EMP2: variants seen among roughly 807,000 people sequenced by gnomAD.
EMP2 encodes epithelial membrane protein 2.
EMP2 carries 19 observed loss-of-function variants against 13.7 expected under a neutral mutation model. That is an observed-to-expected ratio of 1.38 (90% confidence interval 0.97 to 2.03). EMP2 has a LOEUF of 2.03. Among genes scored for constraint, EMP2 ranks in the 30% most tolerant of loss-of-function variants. The pLI is 0.00. For synonymous variants in EMP2, 97 were observed against 84.7 expected, an observed-to-expected ratio of 1.15 and a Z score of -0.80; for missense variants, 253 against 220.7, an observed-to-expected ratio of 1.15 and a Z score of -0.93.
chr16:10,532,948 A>G lies in EMP2; in HGVS notation c.461T>C (p.Phe154Ser). The G allele has an allele frequency of 1.2e-6, 2 of 1,604,040 alleles. No individual in the cohort carries two copies. The highest frequency in any genetic ancestry group is 2.2e-5 in the South Asian group (2 of 89,168). Residue 154 changes from phenylalanine to serine, a missense_variant, in exon 5 of 5, where the codon TTC (phenylalanine) becomes TCC (serine). Coordinates refer to ENST00000359543, the MANE Select transcript of EMP2 (RefSeq NM_001424.6). ...TATCAGGTACATCATGCCGCTGATG[A>G]AGGTGCAGGCGAAGGCCACCCACGC... ...ILAWVAFACT[F>S]ISGMMYLILR...
chr16:10,563,137 G>A (rs1276289360), intron 1 of EMP2, among the ~76,000 whole-genome samples: 2 of 152,134 alleles, frequency 1.3e-5, no homozygotes, highest in Non-Finnish European at 2.9e-5. Context: ...TGACTTTCAA[G>A]TAATCCCCAG....
In EMP2 at chr16:10,529,233, C is replaced by G. The variant is rs371670132; in HGVS notation, c.*3672G>C. On this transcript the variant is annotated 3_prime_UTR_variant, in exon 5 of 5. Coordinates refer to ENST00000359543, the MANE Select transcript of EMP2 (RefSeq NM_001424.6). ...AAATACAGTTGATGCTATCTTTGGT[C>G]CTAATATGTGCTTCTTGGATGTCTA... is the stretch of plus-strand genomic sequence containing the variant. 6 of 152,264 alleles carry G rather than the reference C, an allele frequency of 3.9e-5. No individual in the cohort carries two copies. The East Asian group carries it at 1.2e-3, about 29-fold the overall frequency. The allele number at this position is 152,264 out of a possible 1,614,324, so 9.4% of individuals were successfully genotyped here. A position where few individuals can be genotyped will look rare whatever the true frequency, so the allele number is the denominator to read the frequency against.
At chr16:10,535,718 C>G (rs1343118334) in intron 4 of EMP2, among the ~76,000 whole-genome samples, 2 of 152,168 alleles carry the variant, frequency 1.3e-5, no homozygotes, top group Non-Finnish European at 2.9e-5. Context: ...TCCCCCCACC[C>G]CAAGTTAAAT....
At chr16:10,542,533 C>G (rs1401675144) in intron 3 of EMP2, among the ~76,000 whole-genome samples, 1 of 150,740 alleles carries the variant, frequency 6.6e-6, no homozygotes, top group Non-Finnish European at 1.5e-5. Flanking sequence ...AAAAACAGTA[C>G]TTATTGTTTA....
intron 1 of EMP2, among the ~76,000 whole-genome samples, chr16:10,575,382 T>C (rs1206641956): frequency 6.6e-6 from 1 of 150,376 alleles, no homozygotes; most frequent in East Asian, 2.0e-4. Flanking sequence ...GCCTCCCAAG[T>C]AGCTGGGACT....
intron 1 of EMP2, among the ~76,000 whole-genome samples, chr16:10,550,491 G>A (rs1273595521): frequency 1.3e-5 from 2 of 152,054 alleles, no homozygotes; most frequent in East Asian, 1.9e-4. Flanking sequence ...ATTTGTGTTC[G>A]ATGTTTCCTG....
intron 1 of EMP2, among the ~76,000 whole-genome samples, chr16:10,561,454 G>C (rs2050870567): frequency 6.6e-6 from 1 of 152,166 alleles, no homozygotes; most frequent in Admixed American, 6.5e-5. Context: ...AAGGATGGAA[G>C]AGAGAAGGCC....
chr16:10,575,796 G>C (rs2050980450), intron 1 of EMP2, among the ~76,000 whole-genome samples: 1 of 151,970 alleles, frequency 6.6e-6, no homozygotes, highest in African/African-American at 2.4e-5. Flanking sequence ...GCTGGCAAAG[G>C]TCATCAGAGT....
At chr16:10,574,971 G>A (rs1221036010) in intron 1 of EMP2, among the ~76,000 whole-genome samples, 1 of 150,988 alleles carries the variant, frequency 6.6e-6, no homozygotes, top group East Asian at 2.0e-4. Context: ...TGGCAGCCTC[G>A]AAGCCCTGGG....
At chr16:10,547,710 T>C in intron 1 of EMP2, 33 bp from the exon 2 acceptor site, 3 of 1,288,660 alleles carry the variant, frequency 2.3e-6, no homozygotes, top group Non-Finnish European at 3.3e-6. Flanking sequence ...ATTCAAAATC[T>C]GTCAATGACA....
intron 1 of EMP2, among the ~76,000 whole-genome samples, chr16:10,577,799 A>G (rs1012893129): frequency 6.6e-6 from 1 of 150,888 alleles, no homozygotes; most frequent in Non-Finnish European, 1.5e-5. Context: ...CCTGGGCCCC[A>G]CCCCACCTTT....
At chr16:10,579,250 T>TAA (rs2051005414) in intron 1 of EMP2, among the ~76,000 whole-genome samples, 1 of 152,160 alleles carries the variant, frequency 6.6e-6, no homozygotes, top group Admixed American at 6.5e-5. Flanking sequence ...CTTTAAGCTT[T>TAA]CTTAACTGAA....
chr16:10,543,674 T>C lies in EMP2; in HGVS notation c.79-14A>G. ...TACCCACCAGGCCTGTAACACAAAA[T>C]GGAAATAGAGAGAAAGGCCGTCCGT... On this transcript the variant is annotated splice_polypyrimidine_tract_variant and intron_variant, in intron 2 of 4. Transcript: ENST00000359543. The C allele has an allele frequency of 1.2e-6, 2 of 1,613,680 alleles. No individual in the cohort carries two copies. Among genetic ancestry groups the C allele is most frequent in the Non-Finnish European group, 1.7e-6 (2 of 1,179,628 alleles).
At chr16:10,575,476 G>C (rs534906374) in intron 1 of EMP2, among the ~76,000 whole-genome samples, 4 of 151,618 alleles carry the variant, frequency 2.6e-5, no homozygotes, top group East Asian at 3.9e-4. Context: ...GGATGGTCTC[G>C]ATCTCCTGAC....
At chr16:10,541,228 C>A (rs1222453888) in intron 3 of EMP2, among the ~76,000 whole-genome samples, 1 of 125,894 alleles carries the variant, frequency 7.9e-6, no homozygotes, top group Non-Finnish European at 1.6e-5. Context: ...CACAGCAAGA[C>A]CCTGTCTCCA....
intron 1 of EMP2, among the ~76,000 whole-genome samples, chr16:10,549,539 C>G (rs528186166): frequency 6.6e-6 from 1 of 152,262 alleles, no homozygotes; most frequent in South Asian, 2.1e-4. Context: ...ATGCAGCCTC[C>G]TAATATCAAC....
intron 1 of EMP2, among the ~76,000 whole-genome samples, chr16:10,560,181 C>G (rs2050861622): frequency 6.6e-6 from 1 of 152,160 alleles, no homozygotes; most frequent in East Asian, 1.9e-4. Context: ...AGCAAAAGTC[C>G]TAGGCTCACA....
intron 1 of EMP2, among the ~76,000 whole-genome samples, chr16:10,566,864 T>G (rs980018561): frequency 6.6e-6 from 1 of 151,798 alleles, no homozygotes; most frequent in Non-Finnish European, 1.5e-5. Flanking sequence ...AAAAAAAAAC[T>G]GTCAGGTTGG....
intron 3 of EMP2, among the ~76,000 whole-genome samples, chr16:10,539,834 T>C (rs2050680649): frequency 6.6e-6 from 1 of 152,060 alleles, no homozygotes; most frequent in African/African-American, 2.4e-5. Flanking sequence ...AATTCCAATA[T>C]GGAGCCCAAG....
Sources: gnomAD v4.1 joint callset for allele counts (sites outside exome capture counted in the v4.1 genomes callset) on GRCh38, gnomAD v4.1.1 for gene constraint, MANE v1.5 for transcripts, NCBI Gene and HGNC (gene_info 2026-07-23, HGNC 2026-07-21) for gene names.